GALNT2: variants seen among roughly 807,000 people sequenced by gnomAD.
The protein encoded by GALNT2 is polypeptide N-acetylgalactosaminyltransferase 2.
In GALNT2, 31 loss-of-function variants were observed where a neutral mutation model predicts 81.4. That is an observed-to-expected ratio of 0.38 (90% confidence interval 0.29 to 0.51). GALNT2 has a LOEUF of 0.51. Ranked by LOEUF, GALNT2 falls within the 20% of genes least tolerant of loss-of-function variation. GALNT2 has a pLI of 0.87. For synonymous variants in GALNT2, 303 were observed against 287.4 expected, an observed-to-expected ratio of 1.05 and a Z score of -0.55; for missense variants, 629 against 765.7, an observed-to-expected ratio of 0.82 and a Z score of 2.11.
At chr1:230,110,188 GC>G (rs1300463402) in intron 1 of GALNT2, among the ~76,000 whole-genome samples, 1 of 152,200 alleles carries the variant, frequency 6.6e-6, no homozygotes, top group African/African-American at 2.4e-5. Context: ...ATGGCTAATA[GC>G]TCATTTAAAT....
chr1:230,143,155 C>T (rs190104130), intron 1 of GALNT2, among the ~76,000 whole-genome samples: 116 of 152,290 alleles, frequency 7.6e-4, no homozygotes, highest in African/African-American at 2.5e-3. Flanking sequence ...CCTAGTCCTT[C>T]CCTTGCAGTG....
intron 1 of GALNT2, among the ~76,000 whole-genome samples, chr1:230,161,147 G>T (rs542636135): frequency 6.6e-6 from 1 of 152,188 alleles, no homozygotes; most frequent in Non-Finnish European, 1.5e-5. Flanking sequence ...CTGTCTGGGC[G>T]GTCCTTTTGC....
chr1:230,147,002 T>C (rs779554448), intron 1 of GALNT2, among the ~76,000 whole-genome samples: 2 of 151,996 alleles, frequency 1.3e-5, no homozygotes, highest in Non-Finnish European at 1.5e-5. Context: ...GGTGGGCCAC[T>C]AGAGCCCAGG....
In GALNT2 at chr1:230,243,354, T is replaced by C; in HGVS notation, c.656T>C (p.Val219Ala). ...VRGADAAQAK[V>A]LTFLDSHCEC... ...GGGGCCGATGCTGCCCAAGCCAAGG[T>C]CCTGACCTTCCTGGACAGTCACTGC... Residue 219 changes from valine (V) to alanine (A), a missense_variant, in exon 7 of 16, where the codon GTC becomes GCC. Val to Ala is a moderately conservative substitution (Grantham distance 64). Coordinates refer to ENST00000366672, the MANE Select transcript of GALNT2 (RefSeq NM_004481.5). This position sits in a 1 kb window ranked among gnomAD's most constrained non-coding sequence, Gnocchi z 4.2. The C allele has an allele frequency of 6.2e-7, 1 of 1,611,696 alleles. No homozygotes were observed. The highest frequency in any genetic ancestry group is 8.5e-7 in the Non-Finnish European group (1 of 1,179,664).
chr1:230,181,535 T>C (rs557226075), intron 2 of GALNT2, among the ~76,000 whole-genome samples: 2 of 152,260 alleles, frequency 1.3e-5, no homozygotes, highest in South Asian at 4.1e-4. Context: ...ATATGAGAGC[T>C]ATTAATCAGT....
intron 1 of GALNT2, among the ~76,000 whole-genome samples, chr1:230,151,181 C>T (rs560693768): frequency 2.9e-4 from 44 of 152,328 alleles, no homozygotes; most frequent in African/African-American, 1.0e-3. Context: ...CCGTGGCCAC[C>T]GTTGTCTTTT....
At chr1:230,060,919 T>C (rs1659031550) in intron 1 of GALNT2, among the ~76,000 whole-genome samples, 1 of 152,144 alleles carries the variant, frequency 6.6e-6, no homozygotes, top group Non-Finnish European at 1.5e-5. Context: ...CTCCTCTGCT[T>C]CTCTCTTTCT....
At chr1:230,120,978 T>A (rs1400863713) in intron 1 of GALNT2, among the ~76,000 whole-genome samples, 1 of 152,240 alleles carries the variant, frequency 6.6e-6, no homozygotes, top group African/African-American at 2.4e-5. Flanking sequence ...GGTTTAGGAC[T>A]CCTAATCTTT....
At chr1:230,177,260 T>A in intron 1 of GALNT2, among the ~76,000 whole-genome samples, 1 of 152,252 alleles carries the variant, frequency 6.6e-6, no homozygotes, top group East Asian at 1.9e-4. Flanking sequence ...CAGTCCGCAC[T>A]GGTCCAGAGG....
intron 1 of GALNT2, among the ~76,000 whole-genome samples, chr1:230,145,003 A>G (rs987016087): frequency 6.6e-6 from 1 of 152,074 alleles, no homozygotes; most frequent in Non-Finnish European, 1.5e-5. Flanking sequence ...GGTAACCTAC[A>G]AACCAAGCAA....
At chr1:230,096,490 C>T (rs1660258704) in intron 1 of GALNT2, among the ~76,000 whole-genome samples, 2 of 152,170 alleles carry the variant, frequency 1.3e-5, no homozygotes, top group African/African-American at 4.8e-5. Context: ...CGCCTTCCTT[C>T]CCCTTTCCCC....
intron 1 of GALNT2, among the ~76,000 whole-genome samples, chr1:230,113,234 T>C (rs1660753550): frequency 6.6e-6 from 1 of 152,144 alleles, no homozygotes; most frequent in Non-Finnish European, 1.5e-5. Flanking sequence ...TGTGTGGTGC[T>C]GTGAAGGTCA....
At chr1:230,068,382 C>T (rs941649622) in intron 1 of GALNT2, among the ~76,000 whole-genome samples, 3 of 152,204 alleles carry the variant, frequency 2.0e-5, no homozygotes, top group Non-Finnish European at 4.4e-5. Context: ...TGGAGCATGC[C>T]GGCAGGGGAC....
At chr1:230,200,829 G>A (rs556029642) in intron 2 of GALNT2, among the ~76,000 whole-genome samples, 1 of 152,348 alleles carries the variant, frequency 6.6e-6, no homozygotes, top group East Asian at 1.9e-4. Flanking sequence ...CTGCGCATGG[G>A]ACTCCGTCAT....
intron 3 of GALNT2, among the ~76,000 whole-genome samples, chr1:230,206,961 C>A (rs1391710646): frequency 6.6e-6 from 1 of 151,942 alleles, no homozygotes; most frequent in Non-Finnish European, 1.5e-5. Context: ...CCTAGGAGTT[C>A]AACCCCCTGA....
intron 1 of GALNT2, among the ~76,000 whole-genome samples, chr1:230,077,614 A>G (rs914760017): frequency 6.6e-6 from 1 of 152,204 alleles, no homozygotes; most frequent in Admixed American, 6.5e-5. Flanking sequence ...AGTGAAATAC[A>G]TTGAGCAAAG....
chr1:230,250,282 G>T (rs1194785497), intron 9 of GALNT2, among the ~76,000 whole-genome samples, 175 bp from the exon 10 acceptor site: 1 of 152,216 alleles, frequency 6.6e-6, no homozygotes, highest in Non-Finnish European at 1.5e-5. Flanking sequence ...GGCAGCAGTG[G>T]TGAAGCAGAG....
intron 1 of GALNT2, among the ~76,000 whole-genome samples, chr1:230,080,002 G>A (rs1449075449): frequency 1.3e-5 from 2 of 152,202 alleles, no homozygotes; most frequent in East Asian, 1.9e-4. Context: ...AAAGAAAAGG[G>A]ATAGAGGTAA....
At position 230,214,227 on chromosome 1, in the gene GALNT2, C is replaced by G. The variant is rs1664319133; in HGVS notation, c.374+10937C>G. 1.3e-5 allele frequency among the ~76,000 whole-genome samples: 2 copies of G among 152,116 alleles called. 1 individual carries two copies. Among genetic ancestry groups the G allele is most frequent in the South Asian group, 4.1e-4 (2 of 4,826 alleles). On this transcript the variant is annotated intron_variant, in intron 3 of 15. Transcript: ENST00000366672. ...TCCCCAGTTCAAGTGATTCTCCTGC[C>G]TCAGCTTCCCAAGTAACTGGGATTA...
Sources: gnomAD v4.1 joint callset for allele counts (sites outside exome capture counted in the v4.1 genomes callset) on GRCh38, gnomAD v4.1.1 for gene constraint, Gnocchi (gnomAD v3.1) non-coding constraint, MANE v1.5 for transcripts, NCBI Gene and HGNC (gene_info 2026-07-23, HGNC 2026-07-21) for gene names.